The following RIC1 variants were observed in gnomAD, a reference collection of about 807,000 sequenced individuals.
RIC1 encodes the protein guanine nucleotide exchange factor subunit RIC1.
Under a neutral mutation model 169.0 loss-of-function variants are expected in RIC1, and 88 were observed. That is an observed-to-expected ratio of 0.52 (90% CI 0.44 to 0.62). RIC1 has a LOEUF of 0.62. RIC1 is among the 20% of genes least tolerant of loss of function. RIC1 has a pLI of 0.00. For synonymous variants in RIC1, 790 were observed against 601.5 expected (o/e 1.31, Z -4.59); for missense variants, 1,877 against 1,725.5 (o/e 1.09, Z -1.56).
Position 5,747,459 on chromosome 9 carries a change from A to G in RIC1, c.1406A>G (p.Gln469Arg), listed in dbSNP as rs922260224. 1.9e-6 allele frequency: 3 copies of G among 1,614,000 alleles called. No homozygotes were observed. The highest frequency in any genetic ancestry group is 1.1e-5 in the South Asian group (1 of 91,082). ...SPFADGGLES[Q>R]GLSTLLGHRH... ...TTTGCAGATGGAGGTTTAGAGTCTC[A>G]GGGATTAAGCACTTTACTTGGACAT... The change falls in exon 12 of 26, where the codon CAG becomes CGG. Residue 469 changes from glutamine to arginine, a missense_variant. This residue lies in a region of RIC1 where 1,104 missense variants were observed against 992.0 expected (regional missense o/e 1.11). Transcript: ENST00000414202.
intron 2 of RIC1, among the ~76,000 whole-genome samples, chr9:5,673,555 T>TATATATATATATATATATATAA (rs1233980958): frequency 6.9e-6 from 1 of 144,394 alleles, no homozygotes; most frequent in Non-Finnish European, 1.5e-5. Flanking sequence ...TATATATATA[T>TATATATATATATATATATATAA]ATAAATAAAT....
chr9:5,726,240 T>G (rs1823973656), intron 6 of RIC1, among the ~76,000 whole-genome samples: 1 of 152,232 alleles, frequency 6.6e-6, no homozygotes, highest in Non-Finnish European at 1.5e-5. Context: ...GGTGCTCCTG[T>G]ATTGGGTGCA....
intron 8 of RIC1, among the ~76,000 whole-genome samples, chr9:5,741,873 G>C (rs757568107): frequency 7.2e-5 from 11 of 152,068 alleles, no homozygotes; most frequent in African/African-American, 2.2e-4. Flanking sequence ...CATATTTTTT[G>C]TGTGTGTAGC....
chr9:5,736,424 G>A (rs1228509536), intron 7 of RIC1, among the ~76,000 whole-genome samples: 1 of 152,192 alleles, frequency 6.6e-6, no homozygotes, highest in Non-Finnish European at 1.5e-5. Flanking sequence ...TGAAAGATGA[G>A]AAACAAAATT....
chr9:5,756,619 G>GGT (rs111396763), intron 16 of RIC1, among the ~76,000 whole-genome samples: 61 of 145,872 alleles, frequency 4.2e-4, no homozygotes, highest in African/African-American at 1.4e-3. Context: ...TTTGGGATGA[G>GGT]GTAAACCCTT....
intron 2 of RIC1, among the ~76,000 whole-genome samples, chr9:5,661,257 T>G (rs2130489559): frequency 6.6e-6 from 1 of 152,328 alleles, no homozygotes; most frequent in Admixed American, 6.5e-5. Flanking sequence ...CAGTTTTAAG[T>G]CAGGTAGCAT....
chr9:5,703,576 A>G (rs981959126), intron 3 of RIC1, among the ~76,000 whole-genome samples: 4 of 152,204 alleles, frequency 2.6e-5, no homozygotes, highest in African/African-American at 9.7e-5. Context: ...AATATAATAC[A>G]GCATGTACCT....
In RIC1 at chr9:5,689,975, T is replaced by C. The variant is rs549130239; in HGVS notation, c.269T>C (p.Ile90Thr). Residue 90 changes from isoleucine to threonine, a missense_variant, in exon 3 of 26, where the codon ATC becomes ACC. By Grantham distance (89) the Ile-to-Thr change is moderately conservative. Transcript: ENST00000414202. ...MIAVSTANGY[I>T]LFFHITSTRG... ...CTCTTTCAGACGGCAAATGGATACA[T>C]CTTGTTTTTTCATATTACATCTACA... 1 of 1,601,792 alleles carries C rather than the reference T, an allele frequency of 6.2e-7. No homozygotes were observed. The highest frequency in any genetic ancestry group is 1.1e-5 in the South Asian group (1 of 88,840).
rs146165492 is a variant in RIC1, at chr9:5,717,374, C to T, written c.441-2808C>T. Among the ~76,000 whole-genome samples, 538 of 152,248 alleles carry T rather than the reference C, an allele frequency of 3.5e-3. 1 individual carries two copies. The highest frequency in any genetic ancestry group is 0.012 in the African/African-American group (517 of 41,544). On this transcript the variant is annotated intron_variant, in intron 4 of 25. Coordinates refer to ENST00000414202, the MANE Select transcript of RIC1 (RefSeq NM_020829.4). ...TGTAGTTTGGAATAAACGATGCTGA[C>T]TCCTTCCAAGGAAAATCACTGGTAA...
At chr9:5,738,674 G>T in intron 8 of RIC1, 136 bp downstream of exon 8, 1 of 467,800 alleles carries the variant, frequency 2.1e-6, no homozygotes, top group Non-Finnish European at 3.7e-6. Flanking sequence ...TGTGTAAACT[G>T]GCTCAAGTCT....
In RIC1 at chr9:5,772,704, G is replaced by A. The variant is rs1176689763; in HGVS notation, c.3757G>A (p.Ala1253Thr). 6 of 1,611,522 alleles carry A rather than the reference G, an allele frequency of 3.7e-6. No homozygotes were observed. Among genetic ancestry groups the A allele is most frequent in the Non-Finnish European group, 5.1e-6 (6 of 1,179,322 alleles). ...SELEHISMELASKGPHKSQVQ... is the reference protein window; with the variant it reads ...SELEHISMELTSKGPHKSQVQ... ...GCTGGAGCACATTTCCATGGAGTTGGCCAGTAAAGGGCCTCATAAATCCCA... is the reference window on the plus strand; with the variant it reads ...GCTGGAGCACATTTCCATGGAGTTGACCAGTAAAGGGCCTCATAAATCCCA... The change falls in exon 24 of 26, where the codon GCC becomes ACC. Residue 1253 changes from alanine (A) to threonine (T), a missense_variant. Coordinates refer to ENST00000414202, the MANE Select transcript of RIC1 (RefSeq NM_020829.4).
At chr9:5,630,479 C>G (rs561558138) in intron 1 of RIC1, among the ~76,000 whole-genome samples, 2 of 152,128 alleles carry the variant, frequency 1.3e-5, no homozygotes, top group African/African-American at 4.8e-5. Flanking sequence ...TTAAAATCCC[C>G]AAATCTTTGT....
chr9:5,702,965 G>A (rs990824313), intron 3 of RIC1, among the ~76,000 whole-genome samples: 3 of 152,116 alleles, frequency 2.0e-5, no homozygotes, highest in African/African-American at 7.2e-5. Flanking sequence ...CTCCAACGTT[G>A]GGGATTACAA....
At chr9:5,676,160 G>A (rs189994641) in intron 2 of RIC1, among the ~76,000 whole-genome samples, 10 of 152,158 alleles carry the variant, frequency 6.6e-5, no homozygotes, top group African/African-American at 2.2e-4. Flanking sequence ...TAAGTGATAC[G>A]CCCACCTCAG....
intron 3 of RIC1, among the ~76,000 whole-genome samples, 200 bp downstream of exon 3, chr9:5,690,238 A>C (rs927840115): frequency 2.0e-5 from 3 of 152,106 alleles, no homozygotes; most frequent in Non-Finnish European, 4.4e-5. Context: ...CTTGATGATA[A>C]ACTATATCAA....
At position 5,763,694 on chromosome 9, in the gene RIC1, A is replaced by G. The variant is rs1301425488; in HGVS notation, c.2667A>G (p.Lys889=). 1.2e-6 allele frequency: 2 copies of G among 1,613,996 alleles called. No homozygotes were observed. The highest frequency in any genetic ancestry group is 2.7e-5 in the African/African-American group (2 of 74,922). The part of the protein sequence containing the change: ...IPDPLLPTVA[K]FITEFPLFLQ... Reference sequence around the variant, plus strand: ...ACCCTCTGCTTCCCACTGTGGCAAAATTTATCACTGAGTTCCCCCTCTTCC... The same window carrying G: ...ACCCTCTGCTTCCCACTGTGGCAAAGTTTATCACTGAGTTCCCCCTCTTCC... The change falls in exon 19 of 26, where the codon AAA becomes AAG. Residue 889 remains lysine (K), a synonymous_variant. Transcript: ENST00000414202. This position sits in a 1 kb window ranked among gnomAD's most constrained non-coding sequence, Gnocchi z 5.2.
chr9:5,654,794 C>T (rs1212181939), intron 1 of RIC1, among the ~76,000 whole-genome samples: 1 of 152,178 alleles, frequency 6.6e-6, no homozygotes, highest in African/African-American at 2.4e-5. Flanking sequence ...CTTAAGTGAT[C>T]TGCCTGCCTT....
chr9:5,741,303 A>T (rs1383891242), intron 8 of RIC1, among the ~76,000 whole-genome samples: 1 of 152,110 alleles, frequency 6.6e-6, no homozygotes, highest in Non-Finnish European at 1.5e-5. Context: ...TGTGGAAGGG[A>T]AGAATTTTGT....
chr9:5,629,576 C>T (rs1277193680), intron 1 of RIC1, 123 bp downstream of exon 1: 10 of 1,080,830 alleles, frequency 9.3e-6, no homozygotes, highest in African/African-American at 5.0e-5. Context: ...CCTGCCTTCG[C>T]AGTCCGCGTC....
Sources: gnomAD v4.1 joint callset for allele counts (sites outside exome capture counted in the v4.1 genomes callset) on GRCh38, gnomAD v4.1.1 for gene constraint, gnomAD v4.1.1 regional missense constraint, Gnocchi (gnomAD v3.1) non-coding constraint, MANE v1.5 for transcripts, NCBI Gene and HGNC (gene_info 2026-07-23, HGNC 2026-07-21) for gene names.